Variants in FAM227B observed in about 807,000 individuals in gnomAD.
FAM227B encodes the protein protein FAM227B.
Under a neutral mutation model 73.8 loss-of-function variants are expected in FAM227B, and 88 were observed. That is an observed-to-expected ratio of 1.19 (90% CI 1.00 to 1.42). The LOEUF (loss-of-function observed/expected upper bound fraction) is 1.42. Among genes scored for constraint, FAM227B ranks in the 40% most tolerant of loss-of-function variants. FAM227B has a pLI of 0.00. For synonymous variants in FAM227B, 210 were observed against 190.5 expected (o/e 1.10, Z -0.84); for missense variants, 632 against 590.9 (o/e 1.07, Z -0.72).
At chr15:49,618,219 T>C (rs1259342223) in intron 1 of FAM227B, among the ~76,000 whole-genome samples, 7 of 152,204 alleles carry the variant, frequency 4.6e-5, no homozygotes, top group African/African-American at 1.7e-4. Context: ...TCCAAGAAGG[T>C]ATTAGAGAAT....
intron 9 of FAM227B, among the ~76,000 whole-genome samples, chr15:49,557,318 G>A (rs934039600): frequency 6.6e-6 from 1 of 152,016 alleles, no homozygotes; most frequent in African/African-American, 2.4e-5. Flanking sequence ...ACATAAACAA[G>A]TAAGAGTTGA....
At chr15:49,359,984 C>G (rs570552200) in intron 13 of FAM227B, among the ~76,000 whole-genome samples, 2,577 of 148,292 alleles carry the variant, frequency 0.017, 95 homozygotes, top group African/African-American at 0.062. Context: ...TAAACTATCG[C>G]AAGAACAAAA....
chr15:49,332,647 TAA>T (rs910387644), intron 14 of FAM227B, among the ~76,000 whole-genome samples: 3 of 152,172 alleles, frequency 2.0e-5, no homozygotes, highest in African/African-American at 7.2e-5. Context: ...AAAGGATATA[TAA>T]GACTATTAAT....
intron 11 of FAM227B, among the ~76,000 whole-genome samples, chr15:49,394,974 CTT>C (rs2047472632): frequency 6.6e-6 from 1 of 152,130 alleles, no homozygotes; most frequent in Non-Finnish European, 1.5e-5. Context: ...TTTAACAATT[CTT>C]TGTCAGAGTT....
At chr15:49,453,933 C>A (rs542929509) in intron 11 of FAM227B, among the ~76,000 whole-genome samples, 1 of 152,260 alleles carries the variant, frequency 6.6e-6, no homozygotes, top group East Asian at 1.9e-4. Flanking sequence ...TTCTAGCTCC[C>A]ATTTTTAATC....
intron 11 of FAM227B, among the ~76,000 whole-genome samples, chr15:49,384,379 T>A (rs1041570987): frequency 2.6e-5 from 4 of 152,012 alleles, no homozygotes; most frequent in Non-Finnish European, 5.9e-5. Flanking sequence ...CTACTGAGTG[T>A]TAATTATGCT....
chr15:49,600,824 C>G (rs1470650940), intron 3 of FAM227B, among the ~76,000 whole-genome samples: 3 of 151,576 alleles, frequency 2.0e-5, no homozygotes, highest in Non-Finnish European at 4.4e-5. Flanking sequence ...GGGCGAATTA[C>G]CAGGTCAGGA....
chr15:49,388,049 A>G (rs938427083), intron 11 of FAM227B, among the ~76,000 whole-genome samples: 1 of 151,952 alleles, frequency 6.6e-6, no homozygotes, highest in African/African-American at 2.4e-5. Flanking sequence ...GCAAATGATC[A>G]TACTGCCCAA....
intron 11 of FAM227B, among the ~76,000 whole-genome samples, chr15:49,393,148 T>C (rs2047330521): frequency 6.6e-6 from 1 of 152,182 alleles, no homozygotes; most frequent in Admixed American, 6.5e-5. Flanking sequence ...TATGTTTTGG[T>C]GAGTGAGGTC....
At chr15:49,365,019 CAT>C in intron 13 of FAM227B, 1 of 480,380 alleles carries the variant, frequency 2.1e-6, no homozygotes, top group Non-Finnish European at 3.8e-6. Context: ...TATTTGCAAA[CAT>C]ATCATTGAAG....
In FAM227B at chr15:49,513,858, T is replaced by C. The variant is rs1410705993; in HGVS notation, c.875-5510A>G. Reference sequence around the variant, plus strand: ...AGCACCTTATTAAATAGGGAATCCTTTCCCCATCGCTTGTTTTTGTCAGGT... The same window carrying C: ...AGCACCTTATTAAATAGGGAATCCTCTCCCCATCGCTTGTTTTTGTCAGGT... On this transcript the variant is annotated intron_variant, in intron 10 of 15. Transcript: ENST00000299338. 2.0e-5 allele frequency among the ~76,000 whole-genome samples: 3 copies of C among 152,310 alleles called. No individual in the cohort carries two copies. In the East Asian group the frequency reaches 5.8e-4, roughly 29 times the overall value.
At chr15:49,465,591 AAAAG>A (rs76101585) in intron 11 of FAM227B, among the ~76,000 whole-genome samples, 49,049 of 151,758 alleles carry the variant, frequency 0.32, 8,590 homozygotes, top group African/African-American at 0.45. Context: ...CCAAAACCAA[AAAAG>A]AGAGACCTAT....
chr15:49,538,333 C>T (rs2070562783), intron 10 of FAM227B, among the ~76,000 whole-genome samples: 2 of 152,170 alleles, frequency 1.3e-5, no homozygotes, highest in Admixed American at 1.3e-4. Flanking sequence ...GCTTCTGATT[C>T]CCTGGAACCT....
intron 11 of FAM227B, among the ~76,000 whole-genome samples, chr15:49,506,900 G>T (rs1030478082): frequency 6.6e-6 from 1 of 152,096 alleles, no homozygotes; most frequent in Non-Finnish European, 1.5e-5. Flanking sequence ...GTAGGTAAAG[G>T]ATATATGGGA....
Position 49,470,570 on chromosome 15 carries a change from C to T in FAM227B, c.1012+37641G>A, listed in dbSNP as rs139567411. 9.8e-3 allele frequency among the ~76,000 whole-genome samples: 1,486 copies of T among 152,232 alleles called. 26 individuals are homozygous for T. The highest frequency in any genetic ancestry group is 0.034 in the African/African-American group (1,406 of 41,516). On this transcript the variant is annotated intron_variant, in intron 11 of 15. Coordinates refer to ENST00000299338, the MANE Select transcript of FAM227B (RefSeq NM_152647.3). ...TAGCATCCCCTTAACTTTTATGATA[C>T]CTTAATTCTCAAAATGACCTGTGTT...
At chr15:49,413,306 C>T (rs2048994048) in intron 11 of FAM227B, among the ~76,000 whole-genome samples, 1 of 151,924 alleles carries the variant, frequency 6.6e-6, no homozygotes, top group Admixed American at 6.6e-5. Flanking sequence ...GCTTTTGCTT[C>T]TCTCTCATTC....
chr15:49,601,980 T>A (rs2077233134), intron 3 of FAM227B, among the ~76,000 whole-genome samples: 1 of 152,244 alleles, frequency 6.6e-6, no homozygotes, highest in Non-Finnish European at 1.5e-5. Flanking sequence ...GATCTCCCAC[T>A]TTTTTATGGC....
intron 9 of FAM227B, among the ~76,000 whole-genome samples, chr15:49,547,723 C>A (rs955235493): frequency 2.0e-5 from 3 of 152,074 alleles, no homozygotes; most frequent in Non-Finnish European, 4.4e-5. Flanking sequence ...TTAAAAAAGA[C>A]AAAGAGACAT....
At chr15:49,446,846 A>C (rs2052265380) in intron 11 of FAM227B, among the ~76,000 whole-genome samples, 1 of 151,592 alleles carries the variant, frequency 6.6e-6, no homozygotes, top group Admixed American at 6.6e-5. Context: ...TAAATGGAGA[A>C]AGATACAAGC....
Sources: allele counts gnomAD v4.1 joint callset (sites outside exome capture counted in the v4.1 genomes callset), GRCh38; gene constraint gnomAD v4.1.1; transcripts MANE v1.5; gene names NCBI Gene and HGNC (gene_info 2026-07-23, HGNC 2026-07-21).